PCDH7: variants seen among roughly 807,000 people sequenced by gnomAD.
PCDH7 encodes protocadherin-7.
PCDH7 carries 17 observed loss-of-function variants against 58.9 expected under a neutral mutation model. That is an observed-to-expected ratio of 0.29 (90% confidence interval 0.20 to 0.43). The LOEUF is 0.43. Ranked by LOEUF, PCDH7 falls within the 20% of genes least tolerant of loss-of-function variation. PCDH7 has a pLI of 1.00. For synonymous variants in PCDH7, 664 were observed against 616.4 expected, an observed-to-expected ratio of 1.08 and a Z score of -1.14; for missense variants, 1,274 against 1,441.0, an observed-to-expected ratio of 0.88 and a Z score of 1.88.
intron 3 of PCDH7, among the ~76,000 whole-genome samples, chr4:31,036,775 A>G (rs532310631): frequency 9.2e-5 from 14 of 152,320 alleles, no homozygotes; most frequent in African/African-American, 3.4e-4. Flanking sequence ...GCTAATAAAG[A>G]CATACTGGAG....
chr4:31,053,388 T>C (rs969219399), intron 3 of PCDH7, among the ~76,000 whole-genome samples: 6 of 152,132 alleles, frequency 3.9e-5, no homozygotes, highest in Non-Finnish European at 7.3e-5. Context: ...CTTCAACTTA[T>C]GATACATCAT....
intron 1 of PCDH7, among the ~76,000 whole-genome samples, chr4:30,865,090 T>G (rs559935963): frequency 6.6e-6 from 1 of 152,204 alleles, no homozygotes; most frequent in Admixed American, 6.6e-5. Context: ...GCTTAGTGCT[T>G]ATTTTTAGGC....
intron 3 of PCDH7, among the ~76,000 whole-genome samples, chr4:31,091,206 A>G (rs1160264064): frequency 1.3e-5 from 2 of 151,984 alleles, no homozygotes; most frequent in Non-Finnish European, 2.9e-5. Flanking sequence ...GCCTTCACTG[A>G]CTGATAGATG....
At chr4:30,793,331 T>G (rs2109300397) in intron 1 of PCDH7, among the ~76,000 whole-genome samples, 1 of 152,328 alleles carries the variant, frequency 6.6e-6, no homozygotes, top group South Asian at 2.1e-4. Context: ...CATTTGAGAT[T>G]AACATTTGGA....
intron 1 of PCDH7, among the ~76,000 whole-genome samples, chr4:30,868,630 A>G (rs1735170498): frequency 6.6e-6 from 1 of 152,054 alleles, no homozygotes; most frequent in Non-Finnish European, 1.5e-5. Context: ...ATGGAAAAAA[A>G]AATCTATGTT....
chr4:30,723,083 T>G lies in PCDH7; in HGVS notation c.1661T>G (p.Val554Gly). 6.2e-7 allele frequency: 1 copy of G among 1,613,762 alleles called. No individual in the cohort carries two copies. Among genetic ancestry groups the G allele is most frequent in the Non-Finnish European group, 8.5e-7 (1 of 1,180,004 alleles). The change falls in exon 1 of 2, where the codon GTG (valine) becomes GGG (glycine). Residue 554 changes from valine to glycine, a missense_variant. Physicochemically the swap from Val to Gly is moderately radical, Grantham distance 109. Around this residue, in one of 3 missense-constraint regions of PCDH7, gnomAD observed 731 missense variants for 881.9 expected, o/e 0.83. Coordinates refer to ENST00000361762, the Ensembl canonical transcript of PCDH7. The surrounding 1 kb of genome is among the most constrained non-coding windows in gnomAD (Gnocchi z 4.6). ...GAGAACAACATCCCGGGCGAGAGGG[T>G]GGCCACGGTGCTGGCGACAGACGCA...
chr4:31,003,378 G>GT (rs57481302), intron 3 of PCDH7, among the ~76,000 whole-genome samples: 31,622 of 146,636 alleles, frequency 0.22, 3,587 homozygotes, highest in East Asian at 0.38. Context: ...CAAAAATACT[G>GT]TTTTTTTTTT....
At chr4:31,130,636 C>A (rs1718865410) in intron 3 of PCDH7, among the ~76,000 whole-genome samples, 1 of 152,146 alleles carries the variant, frequency 6.6e-6, no homozygotes, top group Admixed American at 6.6e-5. Context: ...TCTGCCAGAG[C>A]TAAAATCAAA....
intron 1 of PCDH7, among the ~76,000 whole-genome samples, chr4:30,895,967 C>G (rs1391349217): frequency 6.6e-6 from 1 of 152,172 alleles, no homozygotes; most frequent in South Asian, 2.1e-4. Flanking sequence ...ATGCACCATA[C>G]GTGGAACTCT....
chr4:31,095,243 A>T (rs555690678), intron 3 of PCDH7, among the ~76,000 whole-genome samples: 5 of 152,180 alleles, frequency 3.3e-5, no homozygotes, highest in African/African-American at 9.6e-5. Context: ...ACTAGCTTAA[A>T]TTATATTTCT....
chr4:30,971,796 AACAAAATAT>A (rs1479459410), intron 3 of PCDH7, among the ~76,000 whole-genome samples: 2 of 152,094 alleles, frequency 1.3e-5, no homozygotes, highest in African/African-American at 4.8e-5. Flanking sequence ...ACCCAGTCTC[AACAAAATAT>A]ACAAAAATTA....
downstream of PCDH7, among the ~76,000 whole-genome samples, chr4:30,736,580 G>A (rs1478774567): frequency 1.3e-5 from 2 of 149,506 alleles, no homozygotes; most frequent in Non-Finnish European, 1.5e-5. Flanking sequence ...CTGCCGCCGG[G>A]GCTGGAGTGT....
rs964221592 is a variant in PCDH7 at position 30,821,591 on chromosome 4, C to T, written c.70+96995C>T. On this transcript the variant is annotated intron_variant, in intron 1 of 3. Coordinates refer to the PCDH7 transcript ENST00000509759. ...AAGATTTCCCACCCCTTAGGCGGGC[C>T]TGAAATCGGTATAAGGCAGTGTTCC... 2.0e-5 allele frequency among the ~76,000 whole-genome samples: 3 copies of T among 152,182 alleles called. No individual in the cohort carries two copies. The South Asian group carries it at 6.2e-4, about 31-fold the overall frequency.
chr4:31,097,981 T>C, intron 3 of PCDH7, among the ~76,000 whole-genome samples: 1 of 152,124 alleles, frequency 6.6e-6, no homozygotes, highest in East Asian at 1.9e-4. Flanking sequence ...GAATGATTTT[T>C]TAGGAAAGAT....
At position 30,721,507 on chromosome 4, in the gene PCDH7, G is replaced by A. The variant is rs769038247; in HGVS notation, c.85G>A (p.Ala29Thr). The change falls in exon 1 of 2, where the codon GCC (alanine) becomes ACC (threonine). Residue 29 changes from alanine to threonine, a missense_variant. Coordinates refer to ENST00000361762, the Ensembl canonical transcript of PCDH7. The surrounding 1 kb of genome is among the most constrained non-coding windows in gnomAD (Gnocchi z 6.7). ...CCTGCCGCTCTCGCTCAGCCTGGCG[G>A]CCGCCAAGCAGCTCCTCCGGTACCG... 2 of 1,599,196 alleles carry A rather than the reference G, an allele frequency of 1.3e-6. No homozygotes were observed. The highest frequency in any genetic ancestry group is 4.5e-5 in the East Asian group (2 of 44,770).
At chr4:31,004,157 T>C (rs1230517161) in intron 3 of PCDH7, among the ~76,000 whole-genome samples, 2 of 152,018 alleles carry the variant, frequency 1.3e-5, no homozygotes, top group East Asian at 3.9e-4. Flanking sequence ...GATAAAAAAC[T>C]GTTACATTGG....
intron 3 of PCDH7, among the ~76,000 whole-genome samples, chr4:30,951,709 T>A (rs566152580): frequency 3.2e-4 from 48 of 152,138 alleles, no homozygotes; most frequent in Non-Finnish European, 6.2e-4. Context: ...AAAGAAACAA[T>A]GAGTTAGAAA....
At chr4:30,726,507 A>G (rs1427009941) in intron 1 of PCDH7, among the ~76,000 whole-genome samples, 1 of 152,008 alleles carries the variant, frequency 6.6e-6, no homozygotes, top group Non-Finnish European at 1.5e-5. Flanking sequence ...ATATGCTTGA[A>G]TATTTAAAAC....
At chr4:30,865,331 G>A (rs372619961) in intron 1 of PCDH7, among the ~76,000 whole-genome samples, 27 of 151,980 alleles carry the variant, frequency 1.8e-4, no homozygotes, top group African/African-American at 5.3e-4. Context: ...GAGAGTGATC[G>A]ATATTTATAG....
Sources: gnomAD v4.1 joint callset for allele counts (sites outside exome capture counted in the v4.1 genomes callset) on GRCh38, gnomAD v4.1.1 for gene constraint, gnomAD v4.1.1 regional missense constraint, Gnocchi (gnomAD v3.1) non-coding constraint, MANE v1.5 for transcripts, NCBI Gene and HGNC (gene_info 2026-07-23, HGNC 2026-07-21) for gene names.